Variants in TBX15 observed in about 807,000 individuals in gnomAD.
The protein encoded by TBX15 is T-box transcription factor TBX15.
Under a neutral mutation model 53.9 loss-of-function variants are expected in TBX15, and 18 were observed. The ratio of observed to expected loss-of-function variants is 0.33; its 90% CI spans 0.23 to 0.49. The LOEUF (loss-of-function observed/expected upper bound fraction) is 0.49, where lower values mean the gene tolerates loss of function less well. TBX15 is among the 20% of genes least tolerant of loss of function. TBX15 has a pLI of 0.98. For synonymous variants in TBX15, 295 were observed against 278.0 expected (o/e 1.06, Z -0.61); for missense variants, 692 against 749.5 (o/e 0.92, Z 0.90).
intron 6 of TBX15, among the ~76,000 whole-genome samples, chr1:118,902,905 A>T (rs1029741321): frequency 1.3e-5 from 2 of 152,154 alleles, no homozygotes; most frequent in Non-Finnish European, 2.9e-5. Flanking sequence ...TTTATCTCCA[A>T]GTTTTTAAAA....
intron 6 of TBX15, chr1:118,901,499 C>A: frequency 2.3e-6 from 1 of 443,742 alleles, no homozygotes; most frequent in Admixed American, 2.4e-5. Flanking sequence ...TCATAATAGG[C>A]AAGAAGACTG....
chr1:118,927,933 C>A (rs987568963), intron 2 of TBX15, among the ~76,000 whole-genome samples: 8 of 152,172 alleles, frequency 5.3e-5, no homozygotes, highest in African/African-American at 1.9e-4. Flanking sequence ...TAAGCTTAAC[C>A]ATCTGGGGCT....
chr1:118,983,709 G>C (rs1228824255), intron 1 of TBX15, among the ~76,000 whole-genome samples: 2 of 152,216 alleles, frequency 1.3e-5, no homozygotes, highest in Non-Finnish European at 2.9e-5. Context: ...CACCAGTGCA[G>C]GGGCGTGCAC....
chr1:118,962,085 A>T (rs1334112493), intron 1 of TBX15, among the ~76,000 whole-genome samples: 1 of 152,240 alleles, frequency 6.6e-6, no homozygotes, highest in African/African-American at 2.4e-5. Context: ...GTTCTAGTAC[A>T]TTAAGCCCAA....
chr1:118,966,244 A>G (rs1657029509), intron 1 of TBX15, among the ~76,000 whole-genome samples: 1 of 152,244 alleles, frequency 6.6e-6, no homozygotes, highest in Non-Finnish European at 1.5e-5. Flanking sequence ...TCAGTCTTTC[A>G]GGGAAAACTG....
intron 5 of TBX15, among the ~76,000 whole-genome samples, chr1:118,922,799 T>C (rs1045026243): frequency 6.6e-6 from 1 of 152,206 alleles, no homozygotes; most frequent in African/African-American, 2.4e-5. Context: ...AGTTTCAACT[T>C]GGGTTACAAT....
chr1:118,938,745 A>T (rs1656046697), intron 1 of TBX15, among the ~76,000 whole-genome samples: 1 of 152,116 alleles, frequency 6.6e-6, no homozygotes, highest in Admixed American at 6.6e-5. Flanking sequence ...TTCTCTGTTG[A>T]TTAGTGATGC....
At position 118,890,978 on chromosome 1, in the gene TBX15, T is replaced by C. The variant is rs558576753; in HGVS notation, c.1025-5462A>G. On this transcript the variant is annotated intron_variant, in intron 7 of 7. Transcript: ENST00000369429. ...GTCTTCTTTGAGGCTTTCAAACAGGTAAAAGGTAAAATATCAGCACCCTAT... is the reference window on the plus strand; with the variant it reads ...GTCTTCTTTGAGGCTTTCAAACAGGCAAAAGGTAAAATATCAGCACCCTAT... 3.6e-4 allele frequency: 470 copies of C among 1,297,636 alleles called. 3 individuals carry two copies. The South Asian group carries it at 5.4e-3, about 15-fold the overall frequency. 80.4% of individuals were successfully genotyped at this position (1,297,636 alleles called of 1,614,324 possible).
chr1:118,926,674 G>T, intron 2 of TBX15, 63 bp from the exon 3 acceptor site: 1 of 1,391,074 alleles, frequency 7.2e-7, no homozygotes, highest in Non-Finnish European at 1.0e-6. Flanking sequence ...AGGGGTAAAA[G>T]CTTAAACAAT....
intron 4 of TBX15, among the ~76,000 whole-genome samples, chr1:118,924,331 T>C (rs987821098): frequency 7.9e-5 from 12 of 152,336 alleles, no homozygotes; most frequent in African/African-American, 2.2e-4. Flanking sequence ...CTACTGAATG[T>C]TGTGATTTTT....
At chr1:118,888,410 G>A (rs1361343284) in intron 7 of TBX15, among the ~76,000 whole-genome samples, 1 of 152,222 alleles carries the variant, frequency 6.6e-6, no homozygotes, top group Non-Finnish European at 1.5e-5. Context: ...TCTGGCAGGA[G>A]AAGATTCTAG....
chr1:118,913,562 C>A (rs1655093268), intron 6 of TBX15, among the ~76,000 whole-genome samples: 1 of 152,152 alleles, frequency 6.6e-6, no homozygotes, highest in Admixed American at 6.5e-5. Flanking sequence ...TATATAATAA[C>A]CTAGTCATAG....
chr1:118,986,762 A>C (rs554763905), intron 1 of TBX15, among the ~76,000 whole-genome samples: 1 of 152,188 alleles, frequency 6.6e-6, no homozygotes, highest in Non-Finnish European at 1.5e-5. Flanking sequence ...CGAGCGTTGT[A>C]TGTGCGCGCG....
intron 1 of TBX15, among the ~76,000 whole-genome samples, chr1:118,983,838 T>C (rs1030606737): frequency 3.9e-5 from 6 of 152,162 alleles, no homozygotes; most frequent in African/African-American, 1.4e-4. Context: ...GCCTGTGCCC[T>C]GGCTGGCGCT....
At position 118,925,612 on chromosome 1, in the gene TBX15, TC is replaced by T. The variant is rs573025713; in HGVS notation, c.522-796del. On this transcript the variant is annotated intron_variant, in intron 3 of 7. Coordinates refer to ENST00000369429, the MANE Select transcript of TBX15 (RefSeq NM_001330677.2). ...ATCTGGTACTTTCCTGCTTCTCAGTTCTAAAGGACCACATGGGACCTGGACC... is the reference window on the plus strand; with the variant it reads ...ATCTGGTACTTTCCTGCTTCTCAGTTTAAAGGACCACATGGGACCTGGACC... Among the ~76,000 whole-genome samples, 16 of 152,324 alleles carry T rather than the reference TC, an allele frequency of 1.1e-4. No individual in the cohort carries two copies. The East Asian group carries it at 3.1e-3, about 29-fold the overall frequency.
chr1:118,893,080 A>C (rs989283194), intron 7 of TBX15, among the ~76,000 whole-genome samples: 3 of 151,780 alleles, frequency 2.0e-5, no homozygotes, highest in Non-Finnish European at 4.4e-5. Context: ...CTCTACAAAA[A>C]ATACAAAAAT....
chr1:118,895,492 C>T (rs946000881), intron 7 of TBX15, among the ~76,000 whole-genome samples: 2 of 152,172 alleles, frequency 1.3e-5, no homozygotes, highest in South Asian at 4.1e-4. Flanking sequence ...AGAACAACAA[C>T]AGGATTGCAT....
rs958615900 is a variant in TBX15 at position 118,915,693 on chromosome 1, A to G, written c.862-1514T>C. 2.6e-5 allele frequency among the ~76,000 whole-genome samples: 4 copies of G among 152,332 alleles called. No individual in the cohort carries two copies. In the East Asian group the frequency reaches 7.7e-4, roughly 29 times the overall value. On this transcript the variant is annotated intron_variant, in intron 5 of 7. Coordinates refer to ENST00000369429, the MANE Select transcript of TBX15 (RefSeq NM_001330677.2). The stretch of plus-strand genomic sequence containing the variant: ...CTTTCTTCCTCCATAATCCACAGCA[A>G]TAAACCATGCACCATATTTTCTTTT...
chr1:118,890,137 G>A (rs1654089006), intron 7 of TBX15, among the ~76,000 whole-genome samples: 1 of 152,144 alleles, frequency 6.6e-6, no homozygotes, highest in African/African-American at 2.4e-5. Context: ...CCATCACTGT[G>A]AATGATGGAG....
Sources: gnomAD v4.1 joint callset for allele counts (sites outside exome capture counted in the v4.1 genomes callset) on GRCh38, gnomAD v4.1.1 for gene constraint, MANE v1.5 for transcripts, NCBI Gene and HGNC (gene_info 2026-07-23, HGNC 2026-07-21) for gene names.